The following ATRX variants were observed in gnomAD, a reference collection of about 807,000 sequenced individuals.
The protein encoded by ATRX is ATRX chromatin remodeler.
In ATRX, 12 loss-of-function variants were observed where a neutral mutation model predicts 172.6. That is an observed-to-expected ratio of 0.07 (90% CI 0.04 to 0.11). ATRX has a LOEUF of 0.11. Among genes scored for constraint, ATRX ranks in the 10% least tolerant of loss-of-function variants. The pLI is 1.00. For synonymous variants in ATRX, 674 were observed against 594.7 expected, an observed-to-expected ratio of 1.13 and a Z score of -1.94; for missense variants, 1,368 against 1,767.4, an observed-to-expected ratio of 0.77 and a Z score of 4.05.
intron 1 of ATRX, among the ~76,000 whole-genome samples, chrX:77,761,801 C>T (rs1390787939): frequency 9.0e-6 from 1 of 111,172 alleles, no homozygotes; most frequent in Admixed American, 9.7e-5. Context: ...ACCAATATCT[C>T]CCCATTTCTC....
chrX:77,718,678 G>A lies in ATRX; in HGVS notation c.21-1435C>T, dbSNP rs781831227. The stretch of plus-strand genomic sequence containing the variant: ...CGTGAGCCACTGTGCCCAGCCTATA[G>A]CATCAACTCTTAAGTTATATAATAG... On this transcript the variant is annotated intron_variant, in intron 1 of 34. Coordinates refer to ENST00000373344, the MANE Select transcript of ATRX (RefSeq NM_000489.6). Among the ~76,000 whole-genome samples, 9 of 111,213 alleles carry A rather than the reference G, an allele frequency of 8.1e-5. No homozygotes were observed. In the South Asian group the frequency reaches 3.4e-3, roughly 41 times the overall value.
At chrX:77,616,984 T>A (rs1569531268) in intron 21 of ATRX, among the ~76,000 whole-genome samples, 1 of 111,417 alleles carries the variant, frequency 9.0e-6, no homozygotes, top group Non-Finnish European at 1.9e-5. Flanking sequence ...ATTGAAGCAA[T>A]CACATTACCA....
intron 14 of ATRX, among the ~76,000 whole-genome samples, chrX:77,653,654 C>G (rs1337578019): frequency 1.8e-5 from 2 of 111,608 alleles, no homozygotes; most frequent in African/African-American, 6.5e-5. Context: ...AGTTAATTTT[C>G]AAAAGACAAA....
chrX:77,649,871 G>A (rs1232997615), intron 15 of ATRX, among the ~76,000 whole-genome samples: 3 of 111,810 alleles, frequency 2.7e-5, no homozygotes, highest in African/African-American at 6.5e-5. Context: ...TATTAGCAGC[G>A]TGAAAATGGA....
rs782230286 is a variant in ATRX, at chrX:77,578,059, T to C, written c.6218-3701A>G. On this transcript the variant is annotated intron_variant, in intron 27 of 34. Coordinates refer to ENST00000373344, the MANE Select transcript of ATRX (RefSeq NM_000489.6). ...TGCGGGAAGGAGAGTGCAGTGATCA[T>C]AGGACTTTGAATTGGAACTCAGCCT... 8.1e-5 allele frequency among the ~76,000 whole-genome samples: 9 copies of C among 111,455 alleles called. No individual in the cohort carries two copies. The East Asian group carries it at 2.3e-3, about 28-fold the overall frequency.
At chrX:77,521,737 A>C (rs1474019153) in intron 32 of ATRX, 1 of 300,440 alleles carries the variant, frequency 3.3e-6, no homozygotes, top group African/African-American at 2.7e-5. Context: ...ATAATGCAGA[A>C]GAATCCATAA....
chrX:77,695,655 CT>C (rs1322457444), intron 5 of ATRX, among the ~76,000 whole-genome samples: 8 of 111,519 alleles, frequency 7.2e-5, no homozygotes, highest in Admixed American at 9.5e-5. Flanking sequence ...CGGTAGGCCC[CT>C]ATCTCTCTTC....
At chrX:77,652,079 T>C (rs2148434668) in intron 15 of ATRX, 35 bp downstream of exon 15, 1 of 1,201,644 alleles carries the variant, frequency 8.3e-7, no homozygotes. Context: ...ACCCTGTAGC[T>C]ACAAAAGAAA....
At chrX:77,725,707 T>G (rs2074000025) in intron 1 of ATRX, among the ~76,000 whole-genome samples, 1 of 111,646 alleles carries the variant, frequency 9.0e-6, no homozygotes, top group African/African-American at 3.3e-5. Context: ...GGGAGAAAAT[T>G]TTTGCAATCT....
chrX:77,713,763 G>A (rs935300737), intron 2 of ATRX, among the ~76,000 whole-genome samples: 3 of 111,363 alleles, frequency 2.7e-5, no homozygotes, highest in African/African-American at 6.5e-5. Context: ...ACCCATCATA[G>A]GAATAAATTA....
chrX:77,607,538 A>G (rs1557091431), intron 22 of ATRX, among the ~76,000 whole-genome samples: 1 of 109,482 alleles, frequency 9.1e-6, no homozygotes, highest in Non-Finnish European at 1.9e-5. Flanking sequence ...ACATGACAAA[A>G]CCCTGCCTCT....
chrX:77,569,681 T>C (rs1439472390), intron 28 of ATRX, among the ~76,000 whole-genome samples: 1 of 111,805 alleles, frequency 8.9e-6, no homozygotes, highest in Non-Finnish European at 1.9e-5. Context: ...TACCTGGGTG[T>C]AAATCTAACA....
chrX:77,582,409 GA>G (rs1157327733), intron 27 of ATRX, among the ~76,000 whole-genome samples: 59 of 84,430 alleles, frequency 7.0e-4, no homozygotes, highest in Admixed American at 4.7e-3. Flanking sequence ...CAAAAAAAAA[GA>G]AAAAAAAAAC....
At chrX:77,774,046 A>G (rs1403852961) in intron 1 of ATRX, among the ~76,000 whole-genome samples, 1 of 110,097 alleles carries the variant, frequency 9.1e-6, no homozygotes, top group East Asian at 2.9e-4. Context: ...AATATGGTGC[A>G]ACCCCATCTC....
chrX:77,698,421 C>T (rs782454028), intron 3 of ATRX, among the ~76,000 whole-genome samples, 153 bp downstream of exon 3: 2 of 111,860 alleles, frequency 1.8e-5, no homozygotes, highest in Admixed American at 1.9e-4. Context: ...CAATGAACAC[C>T]TGTTCTCAAA....
chrX:77,687,962 A>G (rs2071671286), intron 7 of ATRX, among the ~76,000 whole-genome samples: 1 of 111,430 alleles, frequency 9.0e-6, no homozygotes. Flanking sequence ...ACTGAGACGA[A>G]ATTTCCCTCT....
At chrX:77,535,726 T>C (rs1557048143) in intron 30 of ATRX, among the ~76,000 whole-genome samples, 1 of 106,675 alleles carries the variant, frequency 9.4e-6, no homozygotes, top group African/African-American at 3.4e-5. Context: ...AAATTATGTC[T>C]TTTTTTTTTG....
intron 25 of ATRX, 118 bp from the exon 26 acceptor site, chrX:77,593,967 G>A: frequency 1.6e-6 from 1 of 643,961 alleles, no homozygotes; most frequent in Non-Finnish European, 2.4e-6. Flanking sequence ...TGGGGACTTG[G>A]GAGAGGGGAG....
chrX:77,726,619 T>C (rs2074054537), intron 1 of ATRX, among the ~76,000 whole-genome samples: 1 of 111,210 alleles, frequency 9.0e-6, no homozygotes, highest in South Asian at 3.8e-4. Context: ...ACTTAAAGTG[T>C]AATAAAAAAA....
Sources: gnomAD v4.1 joint callset for allele counts (sites outside exome capture counted in the v4.1 genomes callset) on GRCh38, gnomAD v4.1.1 for gene constraint, MANE v1.5 for transcripts, NCBI Gene and HGNC (gene_info 2026-07-23, HGNC 2026-07-21) for gene names.